SNX29: variants seen among roughly 807,000 people sequenced by gnomAD.
SNX29 encodes the protein sorting nexin-29.
Under a neutral mutation model 102.1 loss-of-function variants are expected in SNX29, and 78 were observed. That is an observed-to-expected ratio of 0.76 (90% confidence interval 0.64 to 0.92). The LOEUF (loss-of-function observed/expected upper bound fraction) is 0.92, where lower values mean the gene tolerates loss of function less well. Among genes scored for constraint, SNX29 ranks in the 40% least tolerant of loss-of-function variants. The pLI, the probability that SNX29 is intolerant of heterozygous loss-of-function variation, is 0.00. For missense variants in SNX29, 1,280 were observed against 1,061.7 expected (o/e 1.21, Z -2.86); for synonymous variants, 580 against 414.5 (o/e 1.40, Z -4.85).
chr16:12,284,684 T>A (rs2079537539), intron 15 of SNX29, among the ~76,000 whole-genome samples: 1 of 152,096 alleles, frequency 6.6e-6, no homozygotes, highest in Non-Finnish European at 1.5e-5. Context: ...AATTGTTTTC[T>A]GTGTTGAACT....
chr16:12,563,192 G>C (rs545739190), intron 20 of SNX29, among the ~76,000 whole-genome samples: 2 of 78,012 alleles, frequency 2.6e-5, no homozygotes, highest in South Asian at 7.9e-4. Context: ...ACTTCCCACA[G>C]TCAACATGCT....
intron 14 of SNX29, among the ~76,000 whole-genome samples, chr16:12,243,461 C>A (rs567337088): frequency 6.6e-6 from 1 of 152,314 alleles, no homozygotes; most frequent in South Asian, 2.1e-4. Flanking sequence ...AATAAGAACA[C>A]ATTAGGCTCA....
chr16:12,420,908 C>G (rs1052799323), intron 18 of SNX29, among the ~76,000 whole-genome samples: 1 of 152,202 alleles, frequency 6.6e-6, no homozygotes, highest in Non-Finnish European at 1.5e-5. Context: ...AGAGCACCAC[C>G]TTCTTGTCTC....
chr16:12,305,889 A>G (rs2080322264), intron 15 of SNX29, among the ~76,000 whole-genome samples: 1 of 152,214 alleles, frequency 6.6e-6, no homozygotes, highest in African/African-American at 2.4e-5. Flanking sequence ...CGGATTTAAA[A>G]GGCTCTGTAA....
At chr16:12,059,836 G>A (rs1165136749) in intron 8 of SNX29, among the ~76,000 whole-genome samples, 1 of 152,196 alleles carries the variant, frequency 6.6e-6, no homozygotes, top group Non-Finnish European at 1.5e-5. Context: ...TTGTGGGCAG[G>A]AGACGACTCG....
At chr16:11,977,483 A>C (rs1415632494) in intron 1 of SNX29, 1 of 152,602 alleles carries the variant, frequency 6.6e-6, no homozygotes, top group East Asian at 1.9e-4. Flanking sequence ...TGATCCTTGC[A>C]TATTCCATCC....
At chr16:12,162,075 T>A (rs2055809298) in intron 13 of SNX29, among the ~76,000 whole-genome samples, 1 of 152,156 alleles carries the variant, frequency 6.6e-6, no homozygotes. Flanking sequence ...ATCAACCCCT[T>A]TGATGGTGCC....
At chr16:12,095,589 C>T (rs1388935698) in intron 11 of SNX29, among the ~76,000 whole-genome samples, 2 of 152,186 alleles carry the variant, frequency 1.3e-5, no homozygotes, top group African/African-American at 4.8e-5. Context: ...ACTTTGTGGT[C>T]CTGTTCTAAA....
rs147341850 is a variant in SNX29, at chr16:11,989,359, G to A, written c.8-9938G>A. ...CACCATAAGCCCACATGGATGGCCC[G>A]AGCCCATCTGTCTGCATGCAGAGCC... On this transcript the variant is annotated intron_variant, in intron 1 of 20. Transcript: ENST00000566228. Among the ~76,000 whole-genome samples, 682 of 152,196 alleles carry A rather than the reference G, an allele frequency of 4.5e-3. 4 individuals carry two copies. Among genetic ancestry groups the A allele is most frequent in the African/African-American group, 0.016 (646 of 41,538 alleles).
At chr16:12,291,524 C>G (rs1440667819) in intron 15 of SNX29, among the ~76,000 whole-genome samples, 1 of 152,150 alleles carries the variant, frequency 6.6e-6, no homozygotes, top group Non-Finnish European at 1.5e-5. Context: ...CAAAGGCAAA[C>G]CATATCAGTA....
At chr16:12,030,677 C>G (rs1159050807) in intron 4 of SNX29, among the ~76,000 whole-genome samples, 2 of 152,192 alleles carry the variant, frequency 1.3e-5, no homozygotes. Context: ...GACCATCCCA[C>G]TCCCCCACTT....
At chr16:12,034,845 C>T (rs1227430508) in intron 4 of SNX29, among the ~76,000 whole-genome samples, 1 of 152,006 alleles carries the variant, frequency 6.6e-6, no homozygotes, top group Non-Finnish European at 1.5e-5. Flanking sequence ...ACCCTGTCTC[C>T]ATTAAAAATA....
chr16:12,083,314 A>AAAC (rs1159616914), intron 11 of SNX29, among the ~76,000 whole-genome samples: 1 of 151,720 alleles, frequency 6.6e-6, no homozygotes, highest in African/African-American at 2.4e-5. Context: ...TCAAAAAAAA[A>AAAC]AAAAACCCCT....
chr16:12,569,664 A>C lies in SNX29; in HGVS notation c.*1035A>C. ...CAGAGTCCTCTGTTCCTCCCATGTCAGGTGGCTCTCAGAGTACAGGGACCT... is the reference window on the plus strand; with the variant it reads ...CAGAGTCCTCTGTTCCTCCCATGTCCGGTGGCTCTCAGAGTACAGGGACCT... On this transcript the variant is annotated 3_prime_UTR_variant, in exon 21 of 21. Coordinates refer to ENST00000566228, the MANE Select transcript of SNX29 (RefSeq NM_032167.5). 1 of 229,688 alleles carries C rather than the reference A, an allele frequency of 4.4e-6. No homozygotes were observed. The highest frequency in any genetic ancestry group is 2.2e-5 in the African/African-American group (1 of 45,244). 14.2% of individuals were successfully genotyped at this position (229,688 alleles called of 1,614,324 possible).
intron 18 of SNX29, among the ~76,000 whole-genome samples, chr16:12,462,046 C>G (rs12931601): frequency 2.4e-5 from 3 of 123,714 alleles, no homozygotes; most frequent in Non-Finnish European, 4.9e-5. Flanking sequence ...CACACACACT[C>G]TTATATATGA....
chr16:12,139,231 G>A (rs2054778470), intron 13 of SNX29, among the ~76,000 whole-genome samples: 1 of 143,306 alleles, frequency 7.0e-6, no homozygotes. Flanking sequence ...AAGGGAGGAA[G>A]GCTTTGTGCA....
chr16:12,263,453 C>G (rs1391451755), intron 14 of SNX29, among the ~76,000 whole-genome samples: 1 of 151,990 alleles, frequency 6.6e-6, no homozygotes. Context: ...GTTGTATGGA[C>G]CCGATGAGAG....
intron 19 of SNX29, among the ~76,000 whole-genome samples, chr16:12,490,885 A>C (rs1178186729): frequency 6.6e-6 from 1 of 152,266 alleles, no homozygotes; most frequent in Non-Finnish European, 1.5e-5. Flanking sequence ...TAAACACTGT[A>C]AATACAGCTA....
chr16:12,099,732 G>T (rs566097452), intron 11 of SNX29, among the ~76,000 whole-genome samples: 13 of 152,154 alleles, frequency 8.5e-5, no homozygotes, highest in Non-Finnish European at 1.8e-4. Context: ...TTCGTGGAGT[G>T]TGGATCCCTG....
Sources: allele counts gnomAD v4.1 joint callset (sites outside exome capture counted in the v4.1 genomes callset), GRCh38; gene constraint gnomAD v4.1.1; transcripts MANE v1.5; gene names NCBI Gene and HGNC (gene_info 2026-07-23, HGNC 2026-07-21).